The following SYNPO variants were observed in gnomAD, a reference collection of about 807,000 sequenced individuals.
The protein encoded by SYNPO is synaptopodin.
In SYNPO, 19 loss-of-function variants were observed where a neutral mutation model predicts 49.5. The ratio of observed to expected loss-of-function variants is 0.38; its 90% CI spans 0.27 to 0.56. The LOEUF is 0.56. SYNPO is among the 20% of genes least tolerant of loss of function. SYNPO has a pLI of 0.68. For synonymous variants in SYNPO, 536 were observed against 548.0 expected, an observed-to-expected ratio of 0.98 and a Z score of 0.31; for missense variants, 1,131 against 1,248.3, an observed-to-expected ratio of 0.91 and a Z score of 1.42.
At chr5:150,606,750 TGAG>T (rs1756704350) in intron 1 of SYNPO, among the ~76,000 whole-genome samples, 1 of 152,138 alleles carries the variant, frequency 6.6e-6, no homozygotes, top group Admixed American at 6.5e-5. Context: ...AAGGCTTCAG[TGAG>T]GAGGAGAGGC....
chr5:150,657,510 GTA>G lies in SYNPO; in HGVS notation c.*427_*428del, dbSNP rs1485667285. ...TGCCTTGGATGAGGCGGGGCAGTGT[GTA>G]TATGGACCCCTGGACTTGCTACCTT... On this transcript the variant is annotated 3_prime_UTR_variant, in exon 3 of 3. Transcript: ENST00000307662. 1 of 180,414 alleles carries G rather than the reference GTA, an allele frequency of 5.5e-6. No individual in the cohort carries two copies. The highest frequency in any genetic ancestry group is 1.2e-5 in the Non-Finnish European group (1 of 85,324). 11.2% of individuals were successfully genotyped at this position (180,414 alleles called of 1,614,324 possible).
upstream of SYNPO, among the ~76,000 whole-genome samples, chr5:150,596,493 C>T (rs1001117102): frequency 2.0e-5 from 3 of 152,162 alleles, no homozygotes; most frequent in Non-Finnish European, 4.4e-5. Context: ...CGGACGGCCC[C>T]CATGTATCAG....
At chr5:150,641,891 A>G (rs1480231085) in intron 1 of SYNPO, among the ~76,000 whole-genome samples, 1 of 152,244 alleles carries the variant, frequency 6.6e-6, no homozygotes, top group Non-Finnish European at 1.5e-5. Context: ...TTTGCAGACC[A>G]TCATCCAAGA....
At chr5:150,620,895 T>TTC (rs1757132692) in intron 2 of SYNPO, among the ~76,000 whole-genome samples, 1 of 137,324 alleles carries the variant, frequency 7.3e-6, no homozygotes, top group African/African-American at 2.8e-5. Context: ...TTTTTTCTTT[T>TTC]TTTCTCTTTC....
Position 150,640,822 on chromosome 5 carries a change from G to A in SYNPO, c.-365G>A. Reference sequence around the variant, plus strand: ...CTTGAAGGCCGGCAGGAGCATCCAGGGGGAAGCTTGGCTTCAGGGAGGACC... The same window carrying A: ...CTTGAAGGCCGGCAGGAGCATCCAGAGGGAAGCTTGGCTTCAGGGAGGACC... On this transcript the variant is annotated 5_prime_UTR_variant, in exon 1 of 3. Coordinates refer to ENST00000307662, the MANE Select transcript of SYNPO (RefSeq NM_007286.6). The A allele has an allele frequency of 2.0e-6, 2 of 985,624 alleles. No homozygotes were observed. The highest frequency in any genetic ancestry group is 2.4e-6 in the Non-Finnish European group (2 of 829,970). The allele number at this position is 985,624 out of a possible 1,614,324, so 61.1% of individuals were successfully genotyped here. A position where few individuals can be genotyped will look rare whatever the true frequency, so the allele number is the denominator to read the frequency against.
chr5:150,653,196 C>T (rs778712258), intron 2 of SYNPO: 6 of 152,184 alleles, frequency 3.9e-5, no homozygotes, highest in East Asian at 1.9e-4. Flanking sequence ...GCAGCCTTTT[C>T]GTACTGTGCA....
intron 2 of SYNPO, among the ~76,000 whole-genome samples, chr5:150,627,699 G>C (rs1027371067): frequency 6.6e-6 from 1 of 152,220 alleles, no homozygotes; most frequent in Admixed American, 6.5e-5. Flanking sequence ...GGTGACTTCA[G>C]AACAGAGACC....
chr5:150,639,825 G>A (rs1297082641), upstream of SYNPO, among the ~76,000 whole-genome samples: 2 of 152,268 alleles, frequency 1.3e-5, no homozygotes, highest in African/African-American at 4.8e-5. Flanking sequence ...ATACCGAAGT[G>A]AAGCAGTAGA....
At chr5:150,626,176 T>C (rs1312444288) in intron 2 of SYNPO, among the ~76,000 whole-genome samples, 1 of 152,144 alleles carries the variant, frequency 6.6e-6, no homozygotes, top group Non-Finnish European at 1.5e-5. Context: ...GCCCATTCCA[T>C]GTTGGGGGGC....
chr5:150,623,648 C>CA (rs1757252259), intron 2 of SYNPO, among the ~76,000 whole-genome samples: 1 of 152,316 alleles, frequency 6.6e-6, no homozygotes, highest in African/African-American at 2.4e-5. Flanking sequence ...AGGGTTCCTG[C>CA]ATTCTGAGTC....
chr5:150,637,106 CT>C (rs1005672479), upstream of SYNPO, among the ~76,000 whole-genome samples: 4 of 152,172 alleles, frequency 2.6e-5, no homozygotes, highest in Non-Finnish European at 5.9e-5. Context: ...AAGTGATTTA[CT>C]GAAGGTAGCC....
chr5:150,597,160 C>CCA (rs1238653236), upstream of SYNPO, among the ~76,000 whole-genome samples: 31 of 152,276 alleles, frequency 2.0e-4, no homozygotes, highest in African/African-American at 7.2e-4. Context: ...TTTAACGCCT[C>CCA]TTACTCTGAG....
At chr5:150,620,903 T>TC (rs1757138033) in intron 2 of SYNPO, among the ~76,000 whole-genome samples, 1 of 98,062 alleles carries the variant, frequency 1.0e-5, no homozygotes, top group African/African-American at 4.7e-5. Flanking sequence ...TTTTTTCTCT[T>TC]TCTTTCTTTC....
intron 1 of SYNPO, among the ~76,000 whole-genome samples, chr5:150,604,820 G>C (rs1264960761): frequency 6.6e-6 from 1 of 152,192 alleles, no homozygotes; most frequent in Non-Finnish European, 1.5e-5. Context: ...AGCTCTGCTG[G>C]CTTAAGGAGG....
chr5:150,641,012 C>G (rs1246735453), intron 1 of SYNPO, among the ~76,000 whole-genome samples, 158 bp downstream of exon 1: 1 of 152,140 alleles, frequency 6.6e-6, no homozygotes, highest in Non-Finnish European at 1.5e-5. Context: ...GGGGGCTGGG[C>G]CTGGGGCTCC....
chr5:150,595,894 G>A, the SYNPO span, among the ~76,000 whole-genome samples: 901 of 148,748 alleles, frequency 6.1e-3, 52 homozygotes, highest in East Asian at 0.14. Context: ...CCCGTAAGTC[G>A]GCCCAACGGA....
chr5:150,652,039 G>A, intron 2 of SYNPO: 1 of 1,000,616 alleles, frequency 1.0e-6, no homozygotes, highest in African/African-American at 1.7e-5. Context: ...ATGCTGGGCT[G>A]AGCCTGCAGT....
intron 1 of SYNPO, chr5:150,608,515 G>A (rs1756755994): frequency 6.6e-6 from 1 of 152,108 alleles, no homozygotes. Flanking sequence ...GGCTGGTTAG[G>A]CTTTTAAACA....
In SYNPO at chr5:150,656,809, T is replaced by C. The variant is rs573319794; in HGVS notation, c.2434T>C (p.Ser812Pro). ...MRSPQPARPG[S>P]AAVPGAAFAP... ...CTCGCCACAGCCCGCCCGCCCCGGC[T>C]CGGCTGCTGTGCCGGGGGCAGCCTT... Residue 812 changes from serine to proline, a missense_variant, in exon 3 of 3, where the codon TCG becomes CCG. Coordinates refer to ENST00000307662, the MANE Select transcript of SYNPO (RefSeq NM_007286.6). 2.7e-5 allele frequency: 37 copies of C among 1,383,312 alleles called. No homozygotes were observed. In the African/African-American group the frequency reaches 5.4e-4, roughly 20 times the overall value. 85.7% of individuals were successfully genotyped at this position (1,383,312 alleles called of 1,614,324 possible).
Sources: gnomAD v4.1 joint callset for allele counts (sites outside exome capture counted in the v4.1 genomes callset) on GRCh38, gnomAD v4.1.1 for gene constraint, MANE v1.5 for transcripts, NCBI Gene and HGNC (gene_info 2026-07-23, HGNC 2026-07-21) for gene names.